Variants in SPATA16 observed in about 807,000 individuals in gnomAD.
SPATA16 encodes spermatogenesis-associated protein 16.
Under a neutral mutation model 63.3 loss-of-function variants are expected in SPATA16, and 36 were observed. That is an observed-to-expected ratio of 0.57 (90% CI 0.44 to 0.75). The LOEUF (loss-of-function observed/expected upper bound fraction) is 0.75. SPATA16 is among the 30% of genes least tolerant of loss of function. SPATA16 has a pLI of 0.00. For synonymous variants in SPATA16, 203 were observed against 216.7 expected (o/e 0.94, Z 0.56); for missense variants, 646 against 679.3 (o/e 0.95, Z 0.54).
At chr3:173,094,252 C>G (rs1737295992) in intron 2 of SPATA16, among the ~76,000 whole-genome samples, 2 of 152,096 alleles carry the variant, frequency 1.3e-5, no homozygotes, top group Admixed American at 1.3e-4. Context: ...ACCATAAGAA[C>G]AACATCCAAG....
chr3:173,058,160 T>A (rs1736294420), intron 2 of SPATA16, among the ~76,000 whole-genome samples: 1 of 152,198 alleles, frequency 6.6e-6, no homozygotes. Flanking sequence ...TTATCCATAC[T>A]ACTATGTAAT....
At chr3:172,969,967 G>A (rs1246688483) in intron 5 of SPATA16, among the ~76,000 whole-genome samples, 1 of 152,108 alleles carries the variant, frequency 6.6e-6, no homozygotes, top group Non-Finnish European at 1.5e-5. Flanking sequence ...AATACACTTG[G>A]ACCTCTCTGC....
chr3:173,034,606 A>C (rs192767393), intron 3 of SPATA16, among the ~76,000 whole-genome samples: 1 of 152,244 alleles, frequency 6.6e-6, no homozygotes, highest in East Asian at 1.9e-4. Flanking sequence ...TAGGACTTCT[A>C]AATATTGTCT....
intron 4 of SPATA16, among the ~76,000 whole-genome samples, chr3:172,988,186 TG>T (rs1363781967): frequency 6.6e-6 from 1 of 152,152 alleles, no homozygotes; most frequent in Non-Finnish European, 1.5e-5. Context: ...TCTTATACAC[TG>T]TGGTGAGGTT....
chr3:172,991,361 A>G lies in SPATA16; in HGVS notation c.849-14309T>C, dbSNP rs527459582. ...AGAAATCTCATTTTCTTCTTTTCCT[A>G]TTCCTTCTTCCTAGCAAGAGCTGAT... On this transcript the variant is annotated intron_variant, in intron 4 of 10. Transcript: ENST00000351008. 6.6e-5 allele frequency among the ~76,000 whole-genome samples: 10 copies of G among 152,208 alleles called. No individual in the cohort carries two copies. The South Asian group carries it at 1.9e-3, about 28-fold the overall frequency.
rs544086223 is a variant in SPATA16, at chr3:173,109,043, G to A, written c.612+8077C>T. On this transcript the variant is annotated intron_variant, in intron 2 of 10. Transcript: ENST00000351008. ...TGTTCATAATCTTTTTTTATGGAAT[G>A]TGATTCTCTTTTCATTTGTAAAGTG... Among the ~76,000 whole-genome samples, 12 of 152,270 alleles carry A rather than the reference G, an allele frequency of 7.9e-5. No individual in the cohort carries two copies. In the South Asian group the frequency reaches 1.2e-3, roughly 16 times the overall value.
At chr3:173,040,547 A>G (rs1490207727) in intron 3 of SPATA16, among the ~76,000 whole-genome samples, 3 of 152,164 alleles carry the variant, frequency 2.0e-5, no homozygotes. Flanking sequence ...CAACCCAGTG[A>G]GTGAAGTGGT....
At chr3:172,990,380 A>G (rs1284321234) in intron 4 of SPATA16, among the ~76,000 whole-genome samples, 2 of 152,234 alleles carry the variant, frequency 1.3e-5, no homozygotes, top group African/African-American at 2.4e-5. Context: ...GGGATTCTAT[A>G]TATTAAACCA....
At chr3:173,015,554 CA>C (rs1735162865) in intron 4 of SPATA16, among the ~76,000 whole-genome samples, 1 of 152,086 alleles carries the variant, frequency 6.6e-6, no homozygotes, top group African/African-American at 2.4e-5. Flanking sequence ...ACTATGAGCA[CA>C]GTTCTCATAT....
chr3:173,068,571 C>A (rs147149382), intron 2 of SPATA16, among the ~76,000 whole-genome samples: 1 of 151,876 alleles, frequency 6.6e-6, no homozygotes, highest in South Asian at 2.1e-4. Flanking sequence ...GGAAATTAAA[C>A]AATATGCTCC....
chr3:173,032,283 A>G (rs937306665), intron 3 of SPATA16, among the ~76,000 whole-genome samples: 3 of 152,154 alleles, frequency 2.0e-5, no homozygotes, highest in Admixed American at 1.3e-4. Context: ...ATTTCTTGAC[A>G]TGACAAATAA....
intron 4 of SPATA16, among the ~76,000 whole-genome samples, chr3:173,016,970 T>G (rs1277757418): frequency 6.6e-6 from 1 of 151,042 alleles, no homozygotes; most frequent in Admixed American, 6.6e-5. Context: ...GCGCTGAGAC[T>G]GTGCCACTGT....
At chr3:172,922,880 C>G (rs965526937) in intron 8 of SPATA16, among the ~76,000 whole-genome samples, 2 of 152,162 alleles carry the variant, frequency 1.3e-5, no homozygotes, top group Non-Finnish European at 2.9e-5. Context: ...CAAGACCGCA[C>G]CACTGCACTC....
At chr3:172,910,426 A>AT (rs1163622654) in intron 10 of SPATA16, among the ~76,000 whole-genome samples, 4 of 152,022 alleles carry the variant, frequency 2.6e-5, no homozygotes, top group Non-Finnish European at 4.4e-5. Context: ...GATAGTAAAT[A>AT]TTTTAGGCTT....
At chr3:172,897,821 C>T (rs1447324994) in intron 10 of SPATA16, among the ~76,000 whole-genome samples, 2 of 151,986 alleles carry the variant, frequency 1.3e-5, no homozygotes, top group African/African-American at 2.4e-5. Context: ...AGCTAATATC[C>T]TTTCCCTGTT....
chr3:173,108,342 C>A (rs1364252094), intron 2 of SPATA16, among the ~76,000 whole-genome samples: 4 of 152,044 alleles, frequency 2.6e-5, no homozygotes, highest in African/African-American at 4.8e-5. Flanking sequence ...ATTTTCATGA[C>A]AATTTACATT....
At chr3:172,950,588 T>C (rs1053039459) in intron 6 of SPATA16, among the ~76,000 whole-genome samples, 8 of 152,176 alleles carry the variant, frequency 5.3e-5, no homozygotes, top group African/African-American at 1.4e-4. Context: ...ATGATAAAAT[T>C]ACAATAATTT....
chr3:173,123,694 C>T (rs918514844), intron 1 of SPATA16, among the ~76,000 whole-genome samples: 6 of 151,280 alleles, frequency 4.0e-5, no homozygotes, highest in Admixed American at 2.6e-4. Context: ...AACTCCGCCT[C>T]CCAGGTTCAA....
intron 1 of SPATA16, among the ~76,000 whole-genome samples, chr3:173,130,375 A>AG (rs1297290327): frequency 2.0e-4 from 30 of 151,134 alleles, no homozygotes; most frequent in African/African-American, 6.8e-4. Flanking sequence ...AAAAAAAAAA[A>AG]AAAAAAAAGA....
Sources: allele counts gnomAD v4.1 joint callset (sites outside exome capture counted in the v4.1 genomes callset), GRCh38; gene constraint gnomAD v4.1.1; transcripts MANE v1.5; gene names NCBI Gene and HGNC (gene_info 2026-07-23, HGNC 2026-07-21).